Variants in SLC8A1 observed in about 807,000 individuals in gnomAD.
SLC8A1 encodes the protein solute carrier family 8 member A1.
A neutral mutation model predicts 68.3 loss-of-function variants in SLC8A1; 18 were observed. That is an observed-to-expected ratio of 0.26 (90% CI 0.18 to 0.39). SLC8A1 has a LOEUF of 0.39. SLC8A1 is among the 10% of genes least tolerant of loss of function. SLC8A1 has a pLI of 1.00. For missense variants in SLC8A1, 985 were observed against 1,156.7 expected (o/e 0.85, Z 2.15); for synonymous variants, 475 against 415.5 (o/e 1.14, Z -1.74).
intron 2 of SLC8A1, among the ~76,000 whole-genome samples, chr2:40,245,604 G>A (rs1397987319): frequency 6.6e-6 from 1 of 151,976 alleles, no homozygotes; most frequent in Non-Finnish European, 1.5e-5. Context: ...TTGAACCACT[G>A]AATTTAGCAA....
intron 2 of SLC8A1, among the ~76,000 whole-genome samples, chr2:40,194,621 G>A: frequency 1.3e-5 from 2 of 151,930 alleles, no homozygotes; most frequent in East Asian, 3.9e-4. Flanking sequence ...AGGCAAATGA[G>A]GTCTAAAAAG....
chr2:40,172,448 C>A (rs918756244), intron 4 of SLC8A1, among the ~76,000 whole-genome samples: 1 of 151,894 alleles, frequency 6.6e-6, no homozygotes, highest in Non-Finnish European at 1.5e-5. Flanking sequence ...GAACTAACTA[C>A]ATGAAATGAT....
At chr2:40,152,347 A>C (rs975655421) in intron 6 of SLC8A1, among the ~76,000 whole-genome samples, 1 of 152,174 alleles carries the variant, frequency 6.6e-6, no homozygotes, top group Non-Finnish European at 1.5e-5. Context: ...AACAACAGAT[A>C]AATAGAGTTA....
chr2:40,380,611 A>G (rs1363647367), intron 2 of SLC8A1, among the ~76,000 whole-genome samples: 1 of 152,134 alleles, frequency 6.6e-6, no homozygotes, highest in Non-Finnish European at 1.5e-5. Context: ...CTTGAAGAAC[A>G]CTTCAACATC....
chr2:40,225,386 G>A (rs541124498), intron 2 of SLC8A1, among the ~76,000 whole-genome samples: 2 of 152,242 alleles, frequency 1.3e-5, no homozygotes, highest in South Asian at 2.1e-4. Flanking sequence ...CACACAGTGG[G>A]TACCCATCTA....
intron 2 of SLC8A1, among the ~76,000 whole-genome samples, chr2:40,285,054 G>A (rs1012370344): frequency 2.0e-5 from 3 of 152,102 alleles, no homozygotes; most frequent in Admixed American, 6.6e-5. Flanking sequence ...TTGAAAAATG[G>A]TCAGCTGGAC....
At chr2:40,245,137 A>G (rs1250348345) in intron 2 of SLC8A1, among the ~76,000 whole-genome samples, 1 of 137,952 alleles carries the variant, frequency 7.2e-6, no homozygotes, top group Admixed American at 7.6e-5. Context: ...AGAATAATTC[A>G]GTATAAATTA....
chr2:40,346,338 G>T (rs1274146948), intron 2 of SLC8A1, among the ~76,000 whole-genome samples: 3 of 152,136 alleles, frequency 2.0e-5, no homozygotes, highest in African/African-American at 7.2e-5. Context: ...TGAGAAAACG[G>T]ACTTGAATCC....
At chr2:40,505,156 C>T (rs1224203943) in intron 1 of SLC8A1, among the ~76,000 whole-genome samples, 2 of 151,722 alleles carry the variant, frequency 1.3e-5, no homozygotes, top group Non-Finnish European at 2.9e-5. Flanking sequence ...AAGAATTGAA[C>T]TCATGGACAT....
rs1274838069 is a variant in SLC8A1, at chr2:40,277,777, A to AAT, written c.1809-99924_1809-99923dup. On this transcript the variant is annotated intron_variant, in intron 2 of 7. Coordinates refer to ENST00000406785, the Ensembl canonical transcript of SLC8A1. ...ATACGTACATATAAACATATGTATA[A>AAT]ATATATATATATGTGTGTATATATA... 3.0e-4 allele frequency among the ~76,000 whole-genome samples: 34 copies of AAT among 114,452 alleles called. 1 individual carries two copies. In the South Asian group the frequency reaches 3.5e-3, roughly 12 times the overall value. The allele number at this position is 114,452 out of a possible 152,430, so 75.1% of individuals were successfully genotyped here.
intron 2 of SLC8A1, among the ~76,000 whole-genome samples, chr2:40,411,099 G>A (rs1246254552): frequency 4.6e-5 from 7 of 152,008 alleles, no homozygotes; most frequent in African/African-American, 9.7e-5. Flanking sequence ...CGAAATAAAT[G>A]ATTAGGTAAG....
chr2:40,245,041 T>C (rs62148835), intron 2 of SLC8A1, among the ~76,000 whole-genome samples: 285 of 152,346 alleles, frequency 1.9e-3, no homozygotes, highest in Non-Finnish European at 3.4e-3. Flanking sequence ...TAAATGGCTA[T>C]GTTAAAAATA....
exon 8 of SLC8A1, chr2:40,100,210 C>T (rs1402230583): frequency 1.3e-5 from 2 of 152,078 alleles, no homozygotes; most frequent in African/African-American, 4.8e-5. Flanking sequence ...GGACCACACA[C>T]ATAAGGGTCT....
chr2:40,480,400 ACT>A (rs1704554704), intron 1 of SLC8A1, among the ~76,000 whole-genome samples: 2 of 151,838 alleles, frequency 1.3e-5, no homozygotes. Context: ...TCCCAGAGAG[ACT>A]CTCACCCCTT....
intron 5 of SLC8A1, among the ~76,000 whole-genome samples, chr2:40,161,750 G>C (rs911142549): frequency 1.3e-5 from 2 of 152,112 alleles, no homozygotes; most frequent in Non-Finnish European, 2.9e-5. Context: ...AGACACTAAG[G>C]CTGCTCATCC....
At chr2:40,232,321 C>T (rs2059756619) in intron 2 of SLC8A1, among the ~76,000 whole-genome samples, 1 of 151,654 alleles carries the variant, frequency 6.6e-6, no homozygotes, top group East Asian at 1.9e-4. Context: ...TTTTGGTTGG[C>T]ACATAGATGT....
chr2:40,490,965 C>T (rs543536843), intron 1 of SLC8A1, among the ~76,000 whole-genome samples: 1 of 152,076 alleles, frequency 6.6e-6, no homozygotes, highest in East Asian at 1.9e-4. Flanking sequence ...CTTAAAAACC[C>T]GGCCATTCAC....
intron 1 of SLC8A1, among the ~76,000 whole-genome samples, chr2:40,433,677 T>C (rs1226301049): frequency 6.6e-6 from 1 of 152,176 alleles, no homozygotes; most frequent in African/African-American, 2.4e-5. Flanking sequence ...GGTTAAGTAC[T>C]TGCTGAAAGT....
chr2:40,323,722 C>G (rs2075481791), intron 2 of SLC8A1, among the ~76,000 whole-genome samples: 1 of 151,984 alleles, frequency 6.6e-6, no homozygotes, highest in East Asian at 1.9e-4. Flanking sequence ...ACCCTCCTAC[C>G]CAAACGGCTT....
Sources: gnomAD v4.1 joint callset for allele counts (sites outside exome capture counted in the v4.1 genomes callset) on GRCh38, gnomAD v4.1.1 for gene constraint, MANE v1.5 for transcripts, NCBI Gene and HGNC (gene_info 2026-07-23, HGNC 2026-07-21) for gene names.